The following CAPZB variants were observed in gnomAD, a reference collection of about 807,000 sequenced individuals.
CAPZB encodes the protein F-actin-capping protein subunit beta.
CAPZB carries 2 observed loss-of-function variants against 38.1 expected under a neutral mutation model. The ratio of observed to expected loss-of-function variants is 0.05; its 90% CI spans 0.02 to 0.17. The LOEUF (loss-of-function observed/expected upper bound fraction) is 0.17, where lower values mean the gene tolerates loss of function less well. Ranked by LOEUF, CAPZB falls within the 10% of genes least tolerant of loss-of-function variation. CAPZB has a pLI of 1.00. For synonymous variants in CAPZB, 107 were observed against 127.4 expected (o/e 0.84, Z 1.08); for missense variants, 161 against 334.2 (o/e 0.48, Z 4.04).
chr1:19,417,806 G>A (rs2094386389), intron 2 of CAPZB, among the ~76,000 whole-genome samples: 2 of 152,106 alleles, frequency 1.3e-5, no homozygotes, highest in African/African-American at 4.8e-5. Context: ...CACAAAACTG[G>A]ACCCGGCCAA....
intron 1 of CAPZB, among the ~76,000 whole-genome samples, chr1:19,426,027 G>A (rs2094421268): frequency 6.6e-6 from 1 of 152,234 alleles, no homozygotes; most frequent in South Asian, 2.1e-4. Flanking sequence ...TTTCCAGGCA[G>A]CAGGTGCAGC....
At chr1:19,406,247 T>C (rs1168632699) in intron 2 of CAPZB, among the ~76,000 whole-genome samples, 2 of 152,118 alleles carry the variant, frequency 1.3e-5, no homozygotes, top group Non-Finnish European at 2.9e-5. Flanking sequence ...CTCTGAAGCT[T>C]CTTTATGTAA....
At chr1:19,443,160 G>A (rs1244260062) in intron 1 of CAPZB, among the ~76,000 whole-genome samples, 1 of 151,902 alleles carries the variant, frequency 6.6e-6, no homozygotes, top group Non-Finnish European at 1.5e-5. Context: ...GCCAAGCTGG[G>A]AGGATGGCTT....
chr1:19,375,050 C>T (rs769399653), intron 4 of CAPZB, among the ~76,000 whole-genome samples: 10 of 152,274 alleles, frequency 6.6e-5, no homozygotes, highest in Admixed American at 1.3e-4. Flanking sequence ...TCCAAAGCCA[C>T]GGGGAAAAGA....
chr1:19,430,359 C>T (rs1204031867), intron 1 of CAPZB, among the ~76,000 whole-genome samples: 1 of 152,230 alleles, frequency 6.6e-6, no homozygotes, highest in African/African-American at 2.4e-5. Context: ...ATGAGTCATA[C>T]TCAGGAGTCG....
intron 1 of CAPZB, among the ~76,000 whole-genome samples, chr1:19,441,919 G>T (rs1195283316): frequency 2.0e-5 from 3 of 146,902 alleles, no homozygotes; most frequent in Non-Finnish European, 4.4e-5. Flanking sequence ...TGAAGCAGGA[G>T]AATTGCTTGA....
At position 19,423,443 on chromosome 1, in the gene CAPZB, G is replaced by A. The variant is rs535583409; in HGVS notation, c.4-3693C>T. Among the ~76,000 whole-genome samples, 3 of 152,076 alleles carry A rather than the reference G, an allele frequency of 2.0e-5. No individual in the cohort carries two copies. In the South Asian group the frequency reaches 6.2e-4, roughly 32 times the overall value. The stretch of plus-strand genomic sequence containing the variant: ...TGGAACGATGGGGACAGAGGGAGGG[G>A]GCTAGTCCCAGGGGCCTCCCTAGGA... On this transcript the variant is annotated intron_variant, in intron 1 of 8. Coordinates refer to ENST00000264202, the MANE Select transcript of CAPZB (RefSeq NM_004930.5).
intron 2 of CAPZB, among the ~76,000 whole-genome samples, chr1:19,392,187 T>TAAA (rs746920918): frequency 5.0e-4 from 12 of 23,782 alleles, no homozygotes; most frequent in Non-Finnish European, 5.1e-4. Context: ...TGTCTCAAGG[T>TAAA]AAAAAAAAAA....
At chr1:19,411,733 C>G (rs1021566064) in intron 2 of CAPZB, among the ~76,000 whole-genome samples, 1 of 152,228 alleles carries the variant, frequency 6.6e-6, no homozygotes, top group African/African-American at 2.4e-5. Context: ...TCTGAAATCA[C>G]TTCTGGCCAA....
chr1:19,469,319 A>G (rs1172675142), intron 1 of CAPZB, among the ~76,000 whole-genome samples: 1 of 152,226 alleles, frequency 6.6e-6, no homozygotes, highest in Non-Finnish European at 1.5e-5. Context: ...TTCAGTGTGT[A>G]CTTTCTATAT....
At chr1:19,398,558 G>A (rs148932275) in intron 2 of CAPZB, among the ~76,000 whole-genome samples, 128 of 152,286 alleles carry the variant, frequency 8.4e-4, no homozygotes, top group Non-Finnish European at 1.4e-3. Context: ...TCAACAAGTC[G>A]GGTTGCTTCG....
rs184803432 is a variant in CAPZB at position 19,368,638 on chromosome 1, C to T, written c.329+9902G>A. 6.4e-4 allele frequency among the ~76,000 whole-genome samples: 96 copies of T among 149,974 alleles called. 2 individuals are homozygous for T. The highest frequency in any genetic ancestry group is 4.3e-3 in the Admixed American group (64 of 15,030). On this transcript the variant is annotated intron_variant, in intron 4 of 8. Transcript: ENST00000264202. ...TGCCTCACTGAGGCAGCTGGGGCTG[C>T]TGGCTGGGTCACTGCAAGAATGCCT...
intron 1 of CAPZB, among the ~76,000 whole-genome samples, chr1:19,474,338 G>C (rs987542954): frequency 6.6e-6 from 1 of 152,130 alleles, no homozygotes; most frequent in Non-Finnish European, 1.5e-5. Context: ...TACCCTGGAA[G>C]AGGACAATAG....
At chr1:19,344,165 G>A (rs1284205423) in intron 8 of CAPZB, among the ~76,000 whole-genome samples, 193 bp downstream of exon 8, 1 of 152,204 alleles carries the variant, frequency 6.6e-6, no homozygotes, top group East Asian at 1.9e-4. Context: ...GGGACCGACA[G>A]CTGCTACGGA....
intron 4 of CAPZB, among the ~76,000 whole-genome samples, chr1:19,367,421 G>A (rs1015536943): frequency 6.6e-6 from 1 of 152,218 alleles, no homozygotes; most frequent in Non-Finnish European, 1.5e-5. Flanking sequence ...AGCTGCCCTG[G>A]AAGTGTCCGT....
intron 2 of CAPZB, among the ~76,000 whole-genome samples, chr1:19,392,661 T>A (rs1365272904): frequency 6.6e-6 from 1 of 151,694 alleles, no homozygotes; most frequent in Non-Finnish European, 1.5e-5. Context: ...CATGGTGGCA[T>A]GTTCCTGTAG....
intron 2 of CAPZB, among the ~76,000 whole-genome samples, chr1:19,413,934 A>G (rs1205597304): frequency 6.6e-6 from 1 of 152,216 alleles, no homozygotes; most frequent in Admixed American, 6.5e-5. Flanking sequence ...TTTGACTATT[A>G]AAGACTGAAA....
At chr1:19,464,646 A>T (rs2094563401) in intron 1 of CAPZB, among the ~76,000 whole-genome samples, 1 of 152,166 alleles carries the variant, frequency 6.6e-6, no homozygotes, top group East Asian at 1.9e-4. Flanking sequence ...ACTGGAGGCA[A>T]CCCAAATGTT....
chr1:19,341,935 T>A (rs924609981), intron 8 of CAPZB, among the ~76,000 whole-genome samples: 7 of 152,230 alleles, frequency 4.6e-5, no homozygotes, highest in African/African-American at 1.7e-4. Flanking sequence ...GGACCTGGGC[T>A]CTGCAGCCCC....
Sources: allele counts gnomAD v4.1 joint callset (sites outside exome capture counted in the v4.1 genomes callset), GRCh38; gene constraint gnomAD v4.1.1; transcripts MANE v1.5; gene names NCBI Gene and HGNC (gene_info 2026-07-23, HGNC 2026-07-21).